The following PLPPR4 variants were observed in gnomAD, a reference collection of about 807,000 sequenced individuals.
PLPPR4 encodes phospholipid phosphatase-related protein type 4.
A neutral mutation model predicts 56.6 loss-of-function variants in PLPPR4; 24 were observed. That is an observed-to-expected ratio of 0.42 (90% CI 0.31 to 0.60). PLPPR4 has a LOEUF of 0.60. Among genes scored for constraint, PLPPR4 ranks in the 20% least tolerant of loss-of-function variants. The probability of loss-of-function intolerance (pLI) is 0.13; values close to 1 mark genes in which losing one functional copy is unlikely to be tolerated. For synonymous variants in PLPPR4, 326 were observed against 328.1 expected, an observed-to-expected ratio of 0.99 and a Z score of 0.07; for missense variants, 654 against 885.8, an observed-to-expected ratio of 0.74 and a Z score of 3.32.
intron 2 of PLPPR4, among the ~76,000 whole-genome samples, chr1:99,293,909 C>T (rs941087989): frequency 6.6e-6 from 1 of 152,106 alleles, no homozygotes; most frequent in Non-Finnish European, 1.5e-5. Context: ...ATTATAATAT[C>T]TCCTCCCAAA....
At chr1:99,291,468 ATGTACACGTATATTCAT>A (rs1441948168) in intron 2 of PLPPR4, among the ~76,000 whole-genome samples, 1 of 152,242 alleles carries the variant, frequency 6.6e-6, no homozygotes, top group Non-Finnish European at 1.5e-5. Context: ...ATAAAGACAC[ATGTACACGTATATTCAT>A]TGCAGCACTA....
intron 1 of PLPPR4, among the ~76,000 whole-genome samples, chr1:99,275,287 T>TCA (rs1659156380): frequency 6.6e-6 from 1 of 152,174 alleles, no homozygotes; most frequent in Non-Finnish European, 1.5e-5. Flanking sequence ...GTTTCTAGCT[T>TCA]CCAGTTGAAT....
chr1:99,288,179 T>C, intron 2 of PLPPR4, 29 bp downstream of exon 2: 4 of 1,605,116 alleles, frequency 2.5e-6, no homozygotes, highest in Non-Finnish European at 3.4e-6. Context: ...ATTGTGTTTA[T>C]CTGTCCTGGA....
chr1:99,297,780 C>T (rs1184100766), intron 3 of PLPPR4, among the ~76,000 whole-genome samples: 1 of 152,020 alleles, frequency 6.6e-6, no homozygotes, highest in African/African-American at 2.4e-5. Flanking sequence ...TTAACAGCAT[C>T]GCAAACTCAG....
intron 1 of PLPPR4, among the ~76,000 whole-genome samples, chr1:99,281,360 C>A (rs77097612): frequency 0.018 from 2,742 of 152,192 alleles, 95 homozygotes; most frequent in African/African-American, 0.063. Context: ...TGTATAAAAA[C>A]CAGTTTAGAT....
chr1:99,270,895 T>G (rs1489970238), intron 1 of PLPPR4, among the ~76,000 whole-genome samples: 1 of 152,208 alleles, frequency 6.6e-6, no homozygotes. Flanking sequence ...ATGCATAAAG[T>G]CTGATGCAAA....
chr1:99,303,766 C>T (rs972924255), intron 6 of PLPPR4, among the ~76,000 whole-genome samples: 1 of 152,142 alleles, frequency 6.6e-6, no homozygotes, highest in Non-Finnish European at 1.5e-5. Flanking sequence ...AAGTTATTCT[C>T]ACTCGCATGC....
Position 99,306,362 on chromosome 1 carries a change from C to T in PLPPR4, c.1500C>T (p.Pro500=), listed in dbSNP as rs779547149. 30 of 1,614,032 alleles carry T rather than the reference C, an allele frequency of 1.9e-5. No homozygotes were observed. In the Admixed American group the frequency reaches 4.3e-4, roughly 23 times the overall value. Residue 500 remains proline (P), a synonymous_variant, in exon 7 of 7, where the codon CCC becomes CCT. Coordinates refer to ENST00000370185, the MANE Select transcript of PLPPR4 (RefSeq NM_014839.5). The surrounding 1 kb of genome is among the most constrained non-coding windows in gnomAD (Gnocchi z 4.0). The part of the protein sequence containing the change: ...EETQENISTS[P]KSSSARAKWL... ...CTCAGGAAAACATAAGCACCTCCCC[C>T]AAAAGCAGCTCTGCTCGGGCCAAGT...
chr1:99,307,184 G>T lies in PLPPR4; in HGVS notation c.*174G>T. 3 of 720,268 alleles carry T rather than the reference G, an allele frequency of 4.2e-6. No individual in the cohort carries two copies. In the East Asian group the frequency reaches 8.0e-5, roughly 19 times the overall value. 44.6% of individuals were successfully genotyped at this position (720,268 alleles called of 1,614,324 possible). On this transcript the variant is annotated 3_prime_UTR_variant, in exon 7 of 7. Transcript: ENST00000370185. ...AAACTTGCAGATCTCACATCAAGGA[G>T]AGGGAAAAGCACAATGCAAGAACCT...
At chr1:99,287,562 T>C (rs971564947) in intron 1 of PLPPR4, among the ~76,000 whole-genome samples, 1 of 152,226 alleles carries the variant, frequency 6.6e-6, no homozygotes, top group Non-Finnish European at 1.5e-5. Flanking sequence ...TATTGTTTCC[T>C]GACTTTTTAA....
intron 1 of PLPPR4, among the ~76,000 whole-genome samples, chr1:99,267,804 A>G (rs1315335610): frequency 6.6e-6 from 1 of 152,234 alleles, no homozygotes; most frequent in East Asian, 1.9e-4. Flanking sequence ...ATGGACTTGT[A>G]TTAATTGACA....
upstream of PLPPR4, chr1:99,264,107 C>A: frequency 3.4e-6 from 1 of 292,818 alleles, no homozygotes; most frequent in South Asian, 1.0e-4. Flanking sequence ...CCTTAGCATT[C>A]TTTAATAGCA....
chr1:99,273,749 A>G (rs1448244137), intron 1 of PLPPR4, among the ~76,000 whole-genome samples: 1 of 152,142 alleles, frequency 6.6e-6, no homozygotes, highest in Non-Finnish European at 1.5e-5. Flanking sequence ...TTTCCGGTCT[A>G]TAGTAGAATT....
At chr1:99,297,307 T>G (rs753443958) in intron 3 of PLPPR4, among the ~76,000 whole-genome samples, 23 of 152,166 alleles carry the variant, frequency 1.5e-4, no homozygotes, top group Non-Finnish European at 3.1e-4. Context: ...CACTTTGAAA[T>G]GTCACTATTG....
chr1:99,264,318 G>A, upstream of PLPPR4: 1 of 721,956 alleles, frequency 1.4e-6, no homozygotes, highest in East Asian at 2.8e-5. Flanking sequence ...CAGCTTGGAG[G>A]AGGGAGCTGG....
At chr1:99,287,432 G>A (rs1347079678) in intron 1 of PLPPR4, among the ~76,000 whole-genome samples, 1 of 152,104 alleles carries the variant, frequency 6.6e-6, no homozygotes, top group African/African-American at 2.4e-5. Flanking sequence ...GGGTCAAATG[G>A]TATTTCTGGT....
chr1:99,307,199 T>A lies in PLPPR4; in HGVS notation c.*189T>A. ...ACATCAAGGAGAGGGAAAAGCACAA[T>A]GCAAGAACCTAACTAACGTGATGAT... On this transcript the variant is annotated 3_prime_UTR_variant, in exon 7 of 7. Transcript: ENST00000370185. 1.6e-6 allele frequency: 1 copy of A among 634,232 alleles called. No homozygotes were observed. The highest frequency in any genetic ancestry group is 2.6e-6 in the Non-Finnish European group (1 of 379,060). The allele number at this position is 634,232 out of a possible 1,614,324, so 39.3% of individuals were successfully genotyped here.
At chr1:99,288,186 T>C (rs1461109092) in intron 2 of PLPPR4, 36 bp downstream of exon 2, 5 of 1,580,708 alleles carry the variant, frequency 3.2e-6, no homozygotes, top group Non-Finnish European at 4.3e-6. Context: ...TTATCTGTCC[T>C]GGAAAACTAA....
At chr1:99,305,636 G>T in intron 6 of PLPPR4, 49 bp from the exon 7 acceptor site, 1 of 1,565,316 alleles carries the variant, frequency 6.4e-7, no homozygotes, top group Non-Finnish European at 8.6e-7. Flanking sequence ...GGAAACCCTA[G>T]TGACTGTCTT....
Sources: gnomAD v4.1 joint callset for allele counts (sites outside exome capture counted in the v4.1 genomes callset) on GRCh38, gnomAD v4.1.1 for gene constraint, Gnocchi (gnomAD v3.1) non-coding constraint, MANE v1.5 for transcripts, NCBI Gene and HGNC (gene_info 2026-07-23, HGNC 2026-07-21) for gene names.